The following CHCHD3 variants were observed in gnomAD, a reference collection of about 807,000 sequenced individuals.
CHCHD3 encodes the protein coiled-coil-helix-coiled-coil-helix domain containing 3.
CHCHD3 carries 20 observed loss-of-function variants against 38.2 expected under a neutral mutation model. The observed-to-expected ratio is 0.52, with a 90% CI of 0.37 to 0.76. The LOEUF is 0.76. Among genes scored for constraint, CHCHD3 ranks in the 30% least tolerant of loss-of-function variants. The pLI, the probability that CHCHD3 is intolerant of heterozygous loss-of-function variation, is 0.00. For synonymous variants in CHCHD3, 82 were observed against 100.0 expected (o/e 0.82, Z 1.07); for missense variants, 245 against 279.2 (o/e 0.88, Z 0.87).
At chr7:132,933,511 G>A (rs907817360) in intron 4 of CHCHD3, among the ~76,000 whole-genome samples, 1 of 152,168 alleles carries the variant, frequency 6.6e-6, no homozygotes, top group Non-Finnish European at 1.5e-5. Flanking sequence ...TCACTGGAGA[G>A]TTTTGAAAAA....
chr7:132,887,051 T>C (rs897105680), intron 4 of CHCHD3: 3 of 850,410 alleles, frequency 3.5e-6, no homozygotes, highest in South Asian at 5.2e-5. Context: ...TTTTTCCTAA[T>C]TTCACACACA....
chr7:132,809,051 G>A (rs965412886), intron 6 of CHCHD3, among the ~76,000 whole-genome samples: 14 of 151,920 alleles, frequency 9.2e-5, no homozygotes, highest in African/African-American at 2.2e-4. Flanking sequence ...CTGGGCTCAG[G>A]TGATCCTCCC....
In CHCHD3 at chr7:132,824,468, G is replaced by T. The variant is rs150405453; in HGVS notation, c.524+13931C>A. Among the ~76,000 whole-genome samples, 660 of 151,926 alleles carry T rather than the reference G, an allele frequency of 4.3e-3. 4 individuals are homozygous for T. The highest frequency in any genetic ancestry group is 7.3e-3 in the Non-Finnish European group (496 of 67,950). On this transcript the variant is annotated intron_variant, in intron 6 of 7. Transcript: ENST00000262570. ...CCAGTAGCTGGGACAACAGGTGCCC[G>T]CCACCACGCCAGGCTAATTTTCTGT...
intron 6 of CHCHD3, among the ~76,000 whole-genome samples, chr7:132,810,024 T>C (rs999383150): frequency 6.6e-6 from 1 of 152,160 alleles, no homozygotes; most frequent in Non-Finnish European, 1.5e-5. Context: ...GAGAAAATGG[T>C]CTCTATTTGG....
chr7:132,878,546 T>G (rs1253350047), intron 5 of CHCHD3, among the ~76,000 whole-genome samples: 1 of 152,230 alleles, frequency 6.6e-6, no homozygotes, highest in African/African-American at 2.4e-5. Flanking sequence ...TTCTTCTTAA[T>G]GGCAATTTAT....
At chr7:133,006,177 G>T (rs1202879440) in intron 3 of CHCHD3, among the ~76,000 whole-genome samples, 2 of 152,026 alleles carry the variant, frequency 1.3e-5, no homozygotes, top group Non-Finnish European at 2.9e-5. Flanking sequence ...TAAAATAAAT[G>T]AAAATAGGCC....
chr7:133,067,030 A>G (rs983226524), intron 2 of CHCHD3, among the ~76,000 whole-genome samples: 18 of 152,214 alleles, frequency 1.2e-4, no homozygotes, highest in Non-Finnish European at 7.3e-5. Flanking sequence ...TCTCATCTCC[A>G]TTGCTCACCA....
Position 133,035,258 on chromosome 7 carries a change from A to G in CHCHD3, c.170-10631T>C, listed in dbSNP as rs1584661854. Reference sequence around the variant, plus strand: ...TGTCCTTTTTAGGCTGGGTCTCTGCAAACTTTTTAGCATCAAACTGGGCCA... The same window carrying G: ...TGTCCTTTTTAGGCTGGGTCTCTGCGAACTTTTTAGCATCAAACTGGGCCA... On this transcript the variant is annotated intron_variant, in intron 2 of 7. Transcript: ENST00000262570. This position sits in a 1 kb window ranked among gnomAD's most constrained non-coding sequence, Gnocchi z 4.7. 1 of 1,613,678 alleles carries G rather than the reference A, an allele frequency of 6.2e-7. No homozygotes were observed. The highest frequency in any genetic ancestry group is 1.3e-5 in the African/African-American group (1 of 75,004).
At chr7:132,813,632 G>C (rs1305470011) in intron 6 of CHCHD3, 1 of 152,096 alleles carries the variant, frequency 6.6e-6, no homozygotes, top group Non-Finnish European at 1.5e-5. Flanking sequence ...AGGTTATTCT[G>C]GGAACCTACC....
chr7:133,073,652 C>T (rs911228234), intron 1 of CHCHD3, among the ~76,000 whole-genome samples: 11 of 152,078 alleles, frequency 7.2e-5, no homozygotes, highest in African/African-American at 2.4e-4. Flanking sequence ...TTCATCAATC[C>T]CTAAATATTT....
At chr7:132,886,178 T>C (rs1346816350) in intron 4 of CHCHD3, among the ~76,000 whole-genome samples, 3 of 152,164 alleles carry the variant, frequency 2.0e-5, no homozygotes, top group Non-Finnish European at 4.4e-5. Flanking sequence ...AACAGTTAAT[T>C]ACCTGCAAAT....
chr7:132,838,428 T>C lies in CHCHD3; in HGVS notation c.495A>G (p.Lys165=), dbSNP rs371941491. The C allele has an allele frequency of 6.2e-7, 1 of 1,612,980 alleles. No individual in the cohort carries two copies. Among genetic ancestry groups the C allele is most frequent in the Admixed American group, 1.7e-5 (1 of 59,992 alleles). The change falls in exon 6 of 8, where the codon AAA becomes AAG. Residue 165 remains lysine, a synonymous_variant. Transcript: ENST00000262570. ...FYRVTTEQYQ[K]AAEEVEAKFK... ...ACTTTGCTTCCACCTCTTCAGCAGC[T>C]TTCTGATATTGTTCAGTGGTGACTC...
chr7:132,938,016 C>T (rs1233887673), intron 4 of CHCHD3, among the ~76,000 whole-genome samples: 1 of 152,082 alleles, frequency 6.6e-6, no homozygotes, highest in Non-Finnish European at 1.5e-5. Flanking sequence ...AAAAATAATA[C>T]ATGAAGTGTT....
chr7:133,010,814 G>C (rs1812849035), intron 3 of CHCHD3, among the ~76,000 whole-genome samples: 2 of 152,020 alleles, frequency 1.3e-5, no homozygotes, highest in Non-Finnish European at 2.9e-5. Flanking sequence ...CCTGACCTCA[G>C]GTGATCCGCC....
chr7:132,838,376 TTATAA>T lies in CHCHD3; in HGVS notation c.524+18_524+22del. On this transcript the variant is annotated intron_variant, in intron 6 of 7. Coordinates refer to ENST00000262570, the MANE Select transcript of CHCHD3 (RefSeq NM_017812.4). ...TCATCTTGTTAAGAATAGTAAATAA[TTATAA>T]TACTATTAAAAACTTACTTGAACTT... The T allele has an allele frequency of 6.7e-7, 1 of 1,497,264 alleles. No individual in the cohort carries two copies. Among genetic ancestry groups the T allele is most frequent in the Non-Finnish European group, 9.3e-7 (1 of 1,078,068 alleles). 92.7% of individuals were successfully genotyped at this position (1,497,264 alleles called of 1,614,324 possible). A position where few individuals can be genotyped will look rare whatever the true frequency, so the allele number is the denominator to read the frequency against.
At chr7:132,911,742 T>C (rs768241224) in intron 4 of CHCHD3, among the ~76,000 whole-genome samples, 2 of 152,240 alleles carry the variant, frequency 1.3e-5, no homozygotes, top group South Asian at 2.1e-4. Context: ...TGGCTCTCCA[T>C]AACCCTTCTT....
chr7:132,805,355 G>A (rs1806890277), intron 6 of CHCHD3, among the ~76,000 whole-genome samples: 1 of 152,106 alleles, frequency 6.6e-6, no homozygotes. Context: ...TTCCAAGGAA[G>A]AGAGGAGATG....
chr7:132,929,053 T>A (rs1810454840), intron 4 of CHCHD3, among the ~76,000 whole-genome samples: 4 of 152,208 alleles, frequency 2.6e-5, no homozygotes, highest in Admixed American at 2.6e-4. Context: ...AAAAAACTAC[T>A]TCTTCAAGGT....
At chr7:133,040,280 C>T (rs1813796789) in intron 2 of CHCHD3, among the ~76,000 whole-genome samples, 1 of 152,174 alleles carries the variant, frequency 6.6e-6, no homozygotes, top group Non-Finnish European at 1.5e-5. Context: ...GAGTGAAGGA[C>T]ATGCCATCCC....
Sources: gnomAD v4.1 joint callset for allele counts (sites outside exome capture counted in the v4.1 genomes callset) on GRCh38, gnomAD v4.1.1 for gene constraint, Gnocchi (gnomAD v3.1) non-coding constraint, MANE v1.5 for transcripts, NCBI Gene and HGNC (gene_info 2026-07-23, HGNC 2026-07-21) for gene names.